The following EPSTI1 variants were observed in gnomAD, a reference collection of about 807,000 sequenced individuals.
EPSTI1 encodes the protein epithelial stromal interaction 1, also known as epithelial-stromal interaction protein 1.
EPSTI1 carries 66 observed loss-of-function variants against 49.9 expected under a neutral mutation model. That is an observed-to-expected ratio of 1.32 (90% confidence interval 1.08 to 1.62). The LOEUF (loss-of-function observed/expected upper bound fraction) is 1.62. Among genes scored for constraint, EPSTI1 ranks in the 40% most tolerant of loss-of-function variants. The pLI is 0.00. For missense variants in EPSTI1, 394 were observed against 365.5 expected, an observed-to-expected ratio of 1.08 and a Z score of -0.64; for synonymous variants, 137 against 130.7, an observed-to-expected ratio of 1.05 and a Z score of -0.33.
At chr13:42,947,047 C>T (rs2038937554) in intron 6 of EPSTI1, among the ~76,000 whole-genome samples, 1 of 152,186 alleles carries the variant, frequency 6.6e-6, no homozygotes, top group Non-Finnish European at 1.5e-5. Context: ...ACACTACTCA[C>T]AGATGTAAGG....
intron 5 of EPSTI1, among the ~76,000 whole-genome samples, chr13:42,957,696 C>T (rs2039315068): frequency 6.6e-6 from 1 of 152,164 alleles, no homozygotes; most frequent in Admixed American, 6.5e-5. Flanking sequence ...ATGCCTCAGC[C>T]TCCTGAGTAA....
chr13:42,942,774 C>T (rs1327690830), intron 6 of EPSTI1, among the ~76,000 whole-genome samples: 2 of 149,348 alleles, frequency 1.3e-5, no homozygotes, highest in Admixed American at 6.7e-5. Flanking sequence ...CTGCAAGCTC[C>T]GCTTCCCGGG....
rs930772021 is a variant in EPSTI1, at chr13:42,954,091, C to G, written c.490-70G>C. On this transcript the variant is annotated intron_variant, in intron 5 of 10. Coordinates refer to ENST00000313624, the MANE Select transcript of EPSTI1 (RefSeq NM_033255.5). ...AGCAGAGTCATGATGTTAAAGTTAC[C>G]CAAGGTCCAAAATCCTAAGGTTCAA... The G allele has an allele frequency of 1.6e-5, 22 of 1,358,506 alleles. No individual in the cohort carries two copies. The African/African-American group carries it at 3.0e-4, about 19-fold the overall frequency. 84.2% of individuals were successfully genotyped at this position (1,358,506 alleles called of 1,614,324 possible).
chr13:42,932,757 A>G (rs762739516), intron 6 of EPSTI1, among the ~76,000 whole-genome samples: 2 of 152,226 alleles, frequency 1.3e-5, no homozygotes, highest in Non-Finnish European at 2.9e-5. Flanking sequence ...AAAGAGAAAA[A>G]CAATAACTTA....
intron 6 of EPSTI1, among the ~76,000 whole-genome samples, chr13:42,951,051 G>C (rs1357724170): frequency 6.6e-6 from 1 of 152,204 alleles, no homozygotes; most frequent in Middle Eastern, 3.4e-3. Flanking sequence ...CAGCTACTTG[G>C]GAGGCTGAGG....
intron 6 of EPSTI1, chr13:42,934,809 C>A: frequency 4.9e-6 from 1 of 205,912 alleles, no homozygotes; most frequent in South Asian, 1.0e-4. Flanking sequence ...CCAGAACATT[C>A]ACTCCCATGG....
intron 6 of EPSTI1, 69 bp downstream of exon 6, chr13:42,953,879 C>A: frequency 1.6e-6 from 2 of 1,259,796 alleles, no homozygotes; most frequent in Non-Finnish European, 2.3e-6. Context: ...AAGTTAGCAT[C>A]ACCTGAATTT....
At chr13:42,908,928 C>CAAA (rs60335271) in intron 8 of EPSTI1, among the ~76,000 whole-genome samples, 7 of 133,396 alleles carry the variant, frequency 5.2e-5, no homozygotes, top group Admixed American at 1.5e-4. Context: ...ACTAAAAATA[C>CAAA]AAAAAAAAAA....
At chr13:42,913,874 G>A (rs1445166176) in intron 8 of EPSTI1, among the ~76,000 whole-genome samples, 1 of 152,202 alleles carries the variant, frequency 6.6e-6, no homozygotes, top group Non-Finnish European at 1.5e-5. Flanking sequence ...AGATTGTGGA[G>A]GCGGATTGCC....
Position 42,952,239 on chromosome 13 carries a change from C to T in EPSTI1, c.563+1709G>A, listed in dbSNP as rs1594714781. 2.0e-5 allele frequency among the ~76,000 whole-genome samples: 3 copies of T among 152,208 alleles called. No homozygotes were observed. In the East Asian group the frequency reaches 5.8e-4, roughly 29 times the overall value. On this transcript the variant is annotated intron_variant, in intron 6 of 10. Transcript: ENST00000313624. Reference sequence around the variant, plus strand: ...CAACCTGTTTGGGTCCCCTTCCATGCTGTGAAAGCTTTGTTCTTTCGCTCT... The same window carrying T: ...CAACCTGTTTGGGTCCCCTTCCATGTTGTGAAAGCTTTGTTCTTTCGCTCT...
intron 10 of EPSTI1, among the ~76,000 whole-genome samples, chr13:42,889,798 C>CT (rs1566090322): frequency 6.6e-6 from 1 of 152,020 alleles, no homozygotes; most frequent in Non-Finnish European, 1.5e-5. Context: ...ATATAGTTAT[C>CT]TTTTTTGTTA....
At chr13:42,958,945 C>G (rs2039360312) in intron 5 of EPSTI1, among the ~76,000 whole-genome samples, 1 of 152,110 alleles carries the variant, frequency 6.6e-6, no homozygotes, top group Non-Finnish European at 1.5e-5. Context: ...ATAATTGAAC[C>G]CATCCAATTC....
chr13:42,914,243 C>T (rs1440076410), intron 8 of EPSTI1, among the ~76,000 whole-genome samples: 1 of 152,142 alleles, frequency 6.6e-6, no homozygotes, highest in Non-Finnish European at 1.5e-5. Context: ...TAATTGTTTA[C>T]TCCTCCCTTA....
intron 2 of EPSTI1, chr13:42,969,920 A>G (rs2039725194): frequency 6.6e-6 from 1 of 152,276 alleles, no homozygotes; most frequent in Admixed American, 6.5e-5. Context: ...TATTTAAATC[A>G]AAAGCTTGTA....
chr13:42,904,644 A>G (rs996074118), intron 8 of EPSTI1, among the ~76,000 whole-genome samples: 1 of 152,358 alleles, frequency 6.6e-6, no homozygotes, highest in Non-Finnish European at 1.5e-5. Flanking sequence ...CACTTGTACC[A>G]TAAGTGAGAC....
At chr13:42,971,941 G>C (rs2039777735) in intron 1 of EPSTI1, among the ~76,000 whole-genome samples, 1 of 152,224 alleles carries the variant, frequency 6.6e-6, no homozygotes, top group African/African-American at 2.4e-5. Flanking sequence ...ACAAAATTAG[G>C]AGACTGCCAC....
chr13:42,915,351 G>A (rs948900195), intron 8 of EPSTI1, among the ~76,000 whole-genome samples: 5 of 152,182 alleles, frequency 3.3e-5, no homozygotes, highest in African/African-American at 1.2e-4. Flanking sequence ...GGCCAACATG[G>A]TGAAACCCCA....
chr13:42,965,227 G>C (rs1594741294), intron 3 of EPSTI1, among the ~76,000 whole-genome samples: 1 of 152,148 alleles, frequency 6.6e-6, no homozygotes, highest in East Asian at 1.9e-4. Context: ...TTGAAAATTA[G>C]AAGAAATGGA....
intron 10 of EPSTI1, among the ~76,000 whole-genome samples, chr13:42,892,269 C>T (rs1482920117): frequency 6.6e-6 from 1 of 152,216 alleles, no homozygotes; most frequent in Non-Finnish European, 1.5e-5. Context: ...GAGGGGTATG[C>T]AGAGTCAGAA....
Sources: allele counts gnomAD v4.1 joint callset (sites outside exome capture counted in the v4.1 genomes callset), GRCh38; gene constraint gnomAD v4.1.1; transcripts MANE v1.5; gene names NCBI Gene and HGNC (gene_info 2026-07-23, HGNC 2026-07-21).